ACACA: variants seen among roughly 807,000 people sequenced by gnomAD.
ACACA encodes the protein acetyl-CoA carboxylase alpha, also known as acetyl-CoA carboxylase 1.
In ACACA, 103 loss-of-function variants were observed where a neutral mutation model predicts 296.1. That is an observed-to-expected ratio of 0.35 (90% CI 0.30 to 0.41). The LOEUF (loss-of-function observed/expected upper bound fraction) is 0.41, where lower values mean the gene tolerates loss of function less well. Among genes scored for constraint, ACACA ranks in the 10% least tolerant of loss-of-function variants. The pLI, the probability that ACACA is intolerant of heterozygous loss-of-function variation, is 1.00. For synonymous variants in ACACA, 953 were observed against 1,038.6 expected (o/e 0.92, Z 1.58); for missense variants, 1,554 against 2,989.7 (o/e 0.52, Z 11.20).
intron 1 of ACACA, among the ~76,000 whole-genome samples, chr17:37,369,143 C>T (rs1429953589): frequency 6.6e-6 from 1 of 152,012 alleles, no homozygotes; most frequent in Admixed American, 6.6e-5. Flanking sequence ...TGAAGAAATA[C>T]GGATGGATTT....
intron 1 of ACACA, among the ~76,000 whole-genome samples, chr17:37,358,196 T>G (rs1463480878): frequency 6.6e-6 from 1 of 152,222 alleles, no homozygotes; most frequent in East Asian, 1.9e-4. Context: ...ACGAAGTCCC[T>G]GATTTTTAGA....
intron 1 of ACACA, among the ~76,000 whole-genome samples, chr17:37,398,102 C>T (rs1478203110): frequency 6.6e-6 from 1 of 150,954 alleles, no homozygotes; most frequent in African/African-American, 2.4e-5. Flanking sequence ...TGGTGGCGCG[C>T]GCCTGTACTC....
chr17:37,167,696 CAAAAA>C (rs540610206), intron 41 of ACACA, among the ~76,000 whole-genome samples: 1 of 75,604 alleles, frequency 1.3e-5, no homozygotes, highest in Admixed American at 1.6e-4. Flanking sequence ...CAAAAACTGG[CAAAAA>C]AAAAAAAAAA....
At chr17:37,289,672 C>T in intron 3 of ACACA, 2 of 468,156 alleles carry the variant, frequency 4.3e-6, no homozygotes, top group South Asian at 1.6e-5. Context: ...TCTATTACAG[C>T]TTGGCTTTCT....
At chr17:37,239,714 G>C (rs1223727979) in intron 24 of ACACA, among the ~76,000 whole-genome samples, 2 of 152,150 alleles carry the variant, frequency 1.3e-5, no homozygotes, top group African/African-American at 2.4e-5. Context: ...TTGAATGCGT[G>C]GGATAAAGCC....
chr17:37,279,872 G>GTA (rs1000509926), intron 5 of ACACA, among the ~76,000 whole-genome samples: 1 of 151,864 alleles, frequency 6.6e-6, no homozygotes, highest in Non-Finnish European at 1.5e-5. Context: ...TATATTTTTG[G>GTA]TATATATATG....
chr17:37,376,101 C>T (rs769203964), intron 1 of ACACA: 3 of 1,612,580 alleles, frequency 1.9e-6, no homozygotes, highest in Admixed American at 1.7e-5. Flanking sequence ...ACATGGATAC[C>T]ATCTTGGTCT....
intron 41 of ACACA, among the ~76,000 whole-genome samples, chr17:37,169,997 C>A (rs1235633857): frequency 6.6e-6 from 1 of 152,192 alleles, no homozygotes; most frequent in Non-Finnish European, 1.5e-5. Flanking sequence ...CTCTCTCATG[C>A]ACTGACTAAA....
At chr17:37,167,685 A>G (rs2144597577) in intron 41 of ACACA, among the ~76,000 whole-genome samples, 1 of 149,000 alleles carries the variant, frequency 6.7e-6, no homozygotes, top group African/African-American at 2.5e-5. Flanking sequence ...AGATATTAGT[A>G]CAAAAACTGG....
chr17:37,244,938 G>T, intron 20 of ACACA, 142 bp downstream of exon 20: 1 of 1,368,140 alleles, frequency 7.3e-7, no homozygotes. Flanking sequence ...TAATACTACA[G>T]GCACAAATAC....
intron 10 of ACACA, among the ~76,000 whole-genome samples, chr17:37,270,213 C>T (rs535058310): frequency 4.6e-5 from 7 of 152,270 alleles, no homozygotes; most frequent in African/African-American, 7.2e-5. Flanking sequence ...CCATGCAACA[C>T]GGGCTAGGGT....
chr17:37,303,380 G>C (rs1325010885), intron 3 of ACACA, among the ~76,000 whole-genome samples: 1 of 152,076 alleles, frequency 6.6e-6, no homozygotes, highest in Non-Finnish European at 1.5e-5. Flanking sequence ...ACCATATTTT[G>C]TTTATACATC....
chr17:37,111,627 G>C lies in ACACA; in HGVS notation c.6469C>G (p.Pro2157Ala), dbSNP rs1352851528. ...DRESRGSVLE[P>A]EGTVEIKFRR... ...AATTTGATTTCTACTGTCCCTTCTG[G>C]CTCCAGAACAGATCCCCTGGATCAG... Residue 2157 changes from proline (P) to alanine (A), a missense_variant, in exon 52 of 56, where the codon CCA becomes GCA. Pro to Ala is a conservative substitution (Grantham distance 27, BLOSUM62 -1). Around this residue, in one of 16 missense-constraint regions of ACACA, gnomAD observed 553 missense variants for 1,043.6 expected, o/e 0.53. Coordinates refer to ENST00000616317, the MANE Select transcript of ACACA (RefSeq NM_198834.3). 1.9e-6 allele frequency: 3 copies of C among 1,613,922 alleles called. No individual in the cohort carries two copies. In the Admixed American group the frequency reaches 5.0e-5, roughly 27 times the overall value.
chr17:37,253,010 A>C lies in ACACA; in HGVS notation c.1853T>G (p.Leu618Arg). The change falls in exon 15 of 56, where the codon CTG becomes CGG. Residue 618 changes from leucine (L) to arginine (R), a missense_variant. By Grantham distance (102) the Leu-to-Arg change is moderately radical. Transcript: ENST00000616317. ...AGTTCGAAAGTCACCCCGAATAGAC[A>C]GCTCCTTCAAAGCCACCACCATGTT... ...ISNMVVALKE[L>R]SIRGDFRTTV... 1 of 1,614,240 alleles carries C rather than the reference A, an allele frequency of 6.2e-7. No homozygotes were observed. The highest frequency in any genetic ancestry group is 8.5e-7 in the Non-Finnish European group (1 of 1,180,036).
intron 3 of ACACA, chr17:37,299,915 A>G: frequency 1.9e-6 from 1 of 537,832 alleles, no homozygotes; most frequent in Non-Finnish European, 2.4e-6. Flanking sequence ...AAAACAAATA[A>G]TACCAATTAT....
At chr17:37,248,754 T>C (rs2080839584) in intron 16 of ACACA, 80 bp from the exon 17 acceptor site, 1 of 1,039,396 alleles carries the variant, frequency 9.6e-7, no homozygotes, top group Middle Eastern at 2.1e-4. Context: ...GATTGTAGCA[T>C]TTCCTAGAAT....
chr17:37,240,441 T>TAGA, intron 24 of ACACA, 35 bp downstream of exon 24: 1 of 1,598,566 alleles, frequency 6.3e-7, no homozygotes, highest in Non-Finnish European at 8.6e-7. Flanking sequence ...GAATCAAGGC[T>TAGA]TTCTTAGCTA....
At chr17:37,134,358 T>C (rs887585432) in intron 45 of ACACA, among the ~76,000 whole-genome samples, 6 of 152,216 alleles carry the variant, frequency 3.9e-5, no homozygotes, top group Admixed American at 1.3e-4. Flanking sequence ...TGGCAGAGCA[T>C]TGTGATGTTT....
intron 50 of ACACA, among the ~76,000 whole-genome samples, chr17:37,118,446 C>T (rs1237773328): frequency 6.6e-6 from 1 of 152,158 alleles, no homozygotes; most frequent in Non-Finnish European, 1.5e-5. Context: ...AAAAAATGAA[C>T]TCATTTCTGA....
Sources: allele counts gnomAD v4.1 joint callset (sites outside exome capture counted in the v4.1 genomes callset), GRCh38; gene constraint gnomAD v4.1.1; regional missense constraint gnomAD v4.1.1; transcripts MANE v1.5; gene names NCBI Gene and HGNC (gene_info 2026-07-23, HGNC 2026-07-21).